Variants in KIF16B observed in about 807,000 individuals in gnomAD.
The protein encoded by KIF16B is kinesin family member 16B.
In KIF16B, 98 loss-of-function variants were observed where a neutral mutation model predicts 156.3. The observed-to-expected ratio is 0.63, with a 90% CI of 0.53 to 0.74. The LOEUF is 0.74. Among genes scored for constraint, KIF16B ranks in the 30% least tolerant of loss-of-function variants. The probability of loss-of-function intolerance (pLI) is 0.00; values close to 1 mark genes in which losing one functional copy is unlikely to be tolerated. For synonymous variants in KIF16B, 564 were observed against 583.7 expected (o/e 0.97, Z 0.49); for missense variants, 1,421 against 1,606.5 (o/e 0.88, Z 1.97).
chr20:16,327,897 C>T (rs921959943), intron 24 of KIF16B, among the ~76,000 whole-genome samples: 7 of 151,994 alleles, frequency 4.6e-5, no homozygotes, highest in South Asian at 2.1e-4. Flanking sequence ...TCTGTGGCTG[C>T]AGTTGGTAGC....
intron 1 of KIF16B, among the ~76,000 whole-genome samples, chr20:16,550,889 TC>T (rs2070624843): frequency 2.0e-5 from 3 of 152,098 alleles, no homozygotes; most frequent in Admixed American, 2.0e-4. Flanking sequence ...GAACGGGTGT[TC>T]TAAAACATTT....
chr20:16,394,026 A>C (rs1175616590), intron 17 of KIF16B, among the ~76,000 whole-genome samples: 1 of 152,252 alleles, frequency 6.6e-6, no homozygotes, highest in Non-Finnish European at 1.5e-5. Flanking sequence ...AATCAAGTTA[A>C]TATGTTACTG....
At chr20:16,382,599 T>G (rs1239738260) in intron 17 of KIF16B, among the ~76,000 whole-genome samples, 1 of 152,210 alleles carries the variant, frequency 6.6e-6, no homozygotes, top group East Asian at 1.9e-4. Context: ...AACAACTCAC[T>G]AAAATAATAA....
At chr20:16,324,837 C>A (rs1207683494) in intron 24 of KIF16B, among the ~76,000 whole-genome samples, 1 of 151,880 alleles carries the variant, frequency 6.6e-6, no homozygotes, top group East Asian at 1.9e-4. Flanking sequence ...CAGGAAAGAA[C>A]ATAACAACTA....
chr20:16,453,646 T>C (rs890802629), intron 12 of KIF16B, among the ~76,000 whole-genome samples: 1 of 151,954 alleles, frequency 6.6e-6, no homozygotes, highest in African/African-American at 2.4e-5. Flanking sequence ...AAATGGGAGA[T>C]TTATAGGAAC....
chr20:16,553,990 G>A (rs1244670403), intron 1 of KIF16B, among the ~76,000 whole-genome samples: 2 of 152,220 alleles, frequency 1.3e-5, no homozygotes, highest in African/African-American at 4.8e-5. Flanking sequence ...AGCATGGGAG[G>A]GAGGCTGAGG....
intron 25 of KIF16B, among the ~76,000 whole-genome samples, chr20:16,310,678 A>AT (rs1234917653): frequency 1.3e-5 from 2 of 151,992 alleles, no homozygotes; most frequent in African/African-American, 2.4e-5. Flanking sequence ...TAATTTTTTA[A>AT]TTTTTTTTGT....
At chr20:16,412,965 G>A (rs1033410607) in intron 15 of KIF16B, among the ~76,000 whole-genome samples, 3 of 152,030 alleles carry the variant, frequency 2.0e-5, no homozygotes, top group African/African-American at 7.2e-5. Flanking sequence ...GTGCTTCCCA[G>A]AAATCTCGGT....
At chr20:16,370,358 G>T (rs368500188) in intron 22 of KIF16B, among the ~76,000 whole-genome samples, 1 of 152,018 alleles carries the variant, frequency 6.6e-6, no homozygotes, top group African/African-American at 2.4e-5. Context: ...TGAAAAACTG[G>T]GCAAAGCTCC....
At chr20:16,421,144 C>T (rs2066215628) in intron 15 of KIF16B, among the ~76,000 whole-genome samples, 1 of 151,980 alleles carries the variant, frequency 6.6e-6, no homozygotes, top group African/African-American at 2.4e-5. Flanking sequence ...TCAAATTTGA[C>T]TTTGTAGAAA....
chr20:16,499,334 G>C (rs1189491322), intron 10 of KIF16B, among the ~76,000 whole-genome samples: 2 of 152,184 alleles, frequency 1.3e-5, no homozygotes, highest in Non-Finnish European at 2.9e-5. Flanking sequence ...TCCTAATCCA[G>C]ATGTAATTCA....
chr20:16,566,219 A>T (rs971604837), intron 1 of KIF16B, among the ~76,000 whole-genome samples: 9 of 152,208 alleles, frequency 5.9e-5, no homozygotes, highest in Non-Finnish European at 1.3e-4. Context: ...CCCAGAATCC[A>T]ATCGCCATGG....
chr20:16,517,691 G>A (rs1036320390), intron 3 of KIF16B, among the ~76,000 whole-genome samples: 17 of 152,132 alleles, frequency 1.1e-4, no homozygotes, highest in Non-Finnish European at 2.4e-4. Context: ...AACCCCAGGG[G>A]CACTCAGGAC....
intron 25 of KIF16B, among the ~76,000 whole-genome samples, chr20:16,301,783 G>A (rs2063475296): frequency 1.3e-5 from 2 of 152,056 alleles, no homozygotes; most frequent in African/African-American, 2.4e-5. Context: ...CCAAGTAGCT[G>A]GGATTACAGG....
intron 1 of KIF16B, among the ~76,000 whole-genome samples, chr20:16,558,639 A>T (rs1309693980): frequency 6.6e-6 from 1 of 152,252 alleles, no homozygotes; most frequent in Admixed American, 6.5e-5. Context: ...GCGATGGCTC[A>T]CGCCTGTAAT....
chr20:16,372,646 A>T (rs2064849938), intron 20 of KIF16B, among the ~76,000 whole-genome samples: 1 of 152,176 alleles, frequency 6.6e-6, no homozygotes, highest in South Asian at 2.1e-4. Flanking sequence ...CCCAAATGGA[A>T]GTCATTCTGT....
rs559258371 is a variant in KIF16B at position 16,450,788 on chromosome 20, G to A, written c.1303-20806C>T. ...CAAGAAGAGATGCTCAACAGCAAGA[G>A]GAAACAAACAGAGTCATATTTGAGA... On this transcript the variant is annotated intron_variant, in intron 12 of 25. Coordinates refer to ENST00000354981, the MANE Select transcript of KIF16B (RefSeq NM_024704.5). 2.6e-5 allele frequency among the ~76,000 whole-genome samples: 4 copies of A among 152,258 alleles called. No individual in the cohort carries two copies. The South Asian group carries it at 8.3e-4, about 32-fold the overall frequency.
intron 1 of KIF16B, among the ~76,000 whole-genome samples, chr20:16,567,803 T>C (rs2071310560): frequency 6.6e-6 from 1 of 151,986 alleles, no homozygotes; most frequent in African/African-American, 2.4e-5. Context: ...ACAAACAAAA[T>C]TAGCCGGGCG....
intron 25 of KIF16B, among the ~76,000 whole-genome samples, chr20:16,298,040 T>C (rs1259464663): frequency 2.0e-5 from 3 of 152,210 alleles, no homozygotes; most frequent in Non-Finnish European, 2.9e-5. Context: ...TCCAAAGTCA[T>C]GGAGATGGCT....
Sources: allele counts gnomAD v4.1 joint callset (sites outside exome capture counted in the v4.1 genomes callset), GRCh38; gene constraint gnomAD v4.1.1; transcripts MANE v1.5; gene names NCBI Gene and HGNC (gene_info 2026-07-23, HGNC 2026-07-21).